The following HNRNPC variants were observed in gnomAD, a reference collection of about 807,000 sequenced individuals.
The protein encoded by HNRNPC is heterogeneous nuclear ribonucleoproteins C1/C2.
A neutral mutation model predicts 33.2 loss-of-function variants in HNRNPC; 3 were observed. The observed-to-expected ratio is 0.09, with a 90% CI of 0.04 to 0.23. The LOEUF (loss-of-function observed/expected upper bound fraction) is 0.23. HNRNPC is among the 10% of genes least tolerant of loss of function. HNRNPC has a pLI of 1.00. For synonymous variants in HNRNPC, 121 were observed against 126.7 expected (o/e 0.96, Z 0.30); for missense variants, 143 against 366.7 (o/e 0.39, Z 4.98).
chr14:21,250,030 A>C lies in HNRNPC; in HGVS notation c.-37+13281T>G, dbSNP rs575284852. Among the ~76,000 whole-genome samples the C allele has an allele frequency of 7.2e-5, 11 of 152,292 alleles. No individual in the cohort carries two copies. In the South Asian group the frequency reaches 2.3e-3, roughly 32 times the overall value. ...AGGTCTTATTTCTAATATAACTGAT[A>C]ATCTATATGAATGAAAATAACAGCA... On this transcript the variant is annotated intron_variant, in intron 2 of 8. Coordinates refer to ENST00000553300, the MANE Select transcript of HNRNPC (RefSeq NM_004500.4).
chr14:21,245,461 C>G (rs1177659370), intron 2 of HNRNPC, among the ~76,000 whole-genome samples: 1 of 152,054 alleles, frequency 6.6e-6, no homozygotes, highest in Non-Finnish European at 1.5e-5. Context: ...CGCACCACTG[C>G]ACTCCAGCCT....
intron 2 of HNRNPC, among the ~76,000 whole-genome samples, chr14:21,247,997 GAAAA>G (rs142900559): frequency 0.16 from 23,006 of 144,028 alleles, 2,202 homozygotes; most frequent in South Asian, 0.24. Flanking sequence ...TCATAAAAAA[GAAAA>G]AAAAAACCCG....
chr14:21,267,435 C>T (rs1879203749), intron 1 of HNRNPC, among the ~76,000 whole-genome samples: 1 of 152,094 alleles, frequency 6.6e-6, no homozygotes, highest in African/African-American at 2.4e-5. Context: ...AAAACAAGGT[C>T]GAATGCCATG....
chr14:21,226,904 G>A (rs1015900451), intron 5 of HNRNPC, among the ~76,000 whole-genome samples: 2 of 135,076 alleles, frequency 1.5e-5, no homozygotes, highest in African/African-American at 2.6e-5. Context: ...AAGGGGGGGG[G>A]GGGACAGTGA....
intron 5 of HNRNPC, among the ~76,000 whole-genome samples, chr14:21,225,333 G>A (rs531068279): frequency 6.6e-6 from 1 of 152,004 alleles, no homozygotes; most frequent in East Asian, 1.9e-4. Flanking sequence ...GGAGGCCGAT[G>A]ATGCACAAGA....
intron 5 of HNRNPC, among the ~76,000 whole-genome samples, chr14:21,225,452 CAG>C (rs902261128): frequency 1.3e-4 from 19 of 147,592 alleles, no homozygotes; most frequent in African/African-American, 4.2e-4. Flanking sequence ...AAAAAAAAAA[CAG>C]AGAGAGATGA....
chr14:21,240,980 C>T (rs1895269628), intron 2 of HNRNPC, among the ~76,000 whole-genome samples: 1 of 152,034 alleles, frequency 6.6e-6, no homozygotes, highest in Non-Finnish European at 1.5e-5. Context: ...TATCTTAAAA[C>T]CTCAACTAGG....
At chr14:21,244,145 C>CG (rs898864539) in intron 2 of HNRNPC, among the ~76,000 whole-genome samples, 4 of 151,878 alleles carry the variant, frequency 2.6e-5, no homozygotes, top group African/African-American at 9.7e-5. Flanking sequence ...TACAGGCGCC[C>CG]GCCACCACAT....
At chr14:21,212,097 TA>T (rs761729012) in intron 6 of HNRNPC, 174 bp from the exon 7 acceptor site, 23 of 581,684 alleles carry the variant, frequency 4.0e-5, no homozygotes, top group Non-Finnish European at 6.7e-5. Flanking sequence ...GCACGTTCTG[TA>T]ATGGTTTTTA....
chr14:21,211,934 A>C lies in HNRNPC; in HGVS notation c.524-11T>G. ...GGTCATCTCCTTTCACTTTAATATA[A>C]ACAAAATACTAGATTAAAATCAAAT... On this transcript the variant is annotated splice_polypyrimidine_tract_variant and intron_variant, in intron 6 of 8. Transcript: ENST00000553300. 6.4e-7 allele frequency: 1 copy of C among 1,570,826 alleles called. No homozygotes were observed. The highest frequency in any genetic ancestry group is 8.8e-7 in the Non-Finnish European group (1 of 1,141,766).
At chr14:21,243,617 TTAAC>T (rs1334992790) in intron 2 of HNRNPC, among the ~76,000 whole-genome samples, 5 of 152,214 alleles carry the variant, frequency 3.3e-5, no homozygotes, top group African/African-American at 7.2e-5. Flanking sequence ...TTCCATTGTT[TTAAC>T]TAACTAAACC....
At chr14:21,247,360 C>T (rs1025235777) in intron 2 of HNRNPC, among the ~76,000 whole-genome samples, 2 of 152,184 alleles carry the variant, frequency 1.3e-5, no homozygotes, top group Non-Finnish European at 2.9e-5. Context: ...ACTGATAGGA[C>T]ATAACCTCAT....
At chr14:21,243,140 T>G (rs978345059) in intron 2 of HNRNPC, among the ~76,000 whole-genome samples, 1 of 152,200 alleles carries the variant, frequency 6.6e-6, no homozygotes, top group Admixed American at 6.5e-5. Flanking sequence ...GAATTCTGAC[T>G]GAACACTAGA....
At chr14:21,234,687 A>G (rs1420786692) in intron 2 of HNRNPC, 1 of 160,318 alleles carries the variant, frequency 6.2e-6, no homozygotes, top group Non-Finnish European at 1.4e-5. Flanking sequence ...CCGGTTCTGT[A>G]TATATACACA....
At chr14:21,265,358 C>T (rs1375717343) in intron 1 of HNRNPC, 2 of 152,074 alleles carry the variant, frequency 1.3e-5, no homozygotes, top group Non-Finnish European at 2.9e-5. Flanking sequence ...TGTACAGGTG[C>T]CACAAGACAT....
chr14:21,251,314 G>GTTTCAATT (rs898182682), intron 2 of HNRNPC, among the ~76,000 whole-genome samples: 4 of 136,652 alleles, frequency 2.9e-5, no homozygotes, highest in Non-Finnish European at 4.7e-5. Flanking sequence ...CTTACAGAAA[G>GTTTCAATT]TTTCAATTTT....
chr14:21,216,104 T>C (rs1490287746), intron 5 of HNRNPC, among the ~76,000 whole-genome samples: 1 of 139,742 alleles, frequency 7.2e-6, no homozygotes, highest in Non-Finnish European at 1.5e-5. Context: ...GTAAAAACTT[T>C]TGTCTCCTCC....
chr14:21,256,435 G>A (rs958434056), intron 2 of HNRNPC, among the ~76,000 whole-genome samples: 1 of 151,574 alleles, frequency 6.6e-6, no homozygotes, highest in African/African-American at 2.4e-5. Flanking sequence ...GGCAAAGAGA[G>A]CAAAACTCCA....
At chr14:21,258,642 T>C (rs1259110317) in intron 2 of HNRNPC, among the ~76,000 whole-genome samples, 3 of 152,172 alleles carry the variant, frequency 2.0e-5, no homozygotes, top group Non-Finnish European at 4.4e-5. Context: ...GTGTTGGACA[T>C]AGTCAAGTGT....
Sources: allele counts gnomAD v4.1 joint callset (sites outside exome capture counted in the v4.1 genomes callset), GRCh38; gene constraint gnomAD v4.1.1; transcripts MANE v1.5; gene names NCBI Gene and HGNC (gene_info 2026-07-23, HGNC 2026-07-21).